XPO4: variants seen among roughly 807,000 people sequenced by gnomAD.
The protein encoded by XPO4 is exportin-4.
XPO4 carries 39 observed loss-of-function variants against 143.0 expected under a neutral mutation model. The ratio of observed to expected loss-of-function variants is 0.27; its 90% CI spans 0.21 to 0.36. The LOEUF is 0.36. Ranked by LOEUF, XPO4 falls within the 10% of genes least tolerant of loss-of-function variation. XPO4 has a pLI of 1.00. For missense variants in XPO4, 907 were observed against 1,348.0 expected (o/e 0.67, Z 5.12); for synonymous variants, 439 against 474.0 (o/e 0.93, Z 0.96).
intron 1 of XPO4, chr13:20,869,412 G>T: frequency 5.3e-6 from 3 of 564,186 alleles, no homozygotes; most frequent in Non-Finnish European, 6.7e-6. Flanking sequence ...CCTGTTACAT[G>T]GTTTAGTTAA....
At chr13:20,795,890 T>A (rs1282292711) in intron 18 of XPO4, among the ~76,000 whole-genome samples, 186 bp downstream of exon 18, 1 of 152,192 alleles carries the variant, frequency 6.6e-6, no homozygotes, top group Non-Finnish European at 1.5e-5. Context: ...TTTCTATTAT[T>A]CTTACAAGAG....
chr13:20,837,585 G>A (rs2059930858), intron 6 of XPO4, among the ~76,000 whole-genome samples: 1 of 151,900 alleles, frequency 6.6e-6, no homozygotes, highest in Non-Finnish European at 1.5e-5. Context: ...TTTTGTAAGA[G>A]ATGGGGTGTA....
At chr13:20,869,604 T>A in intron 1 of XPO4, 1 of 768,760 alleles carries the variant, frequency 1.3e-6, no homozygotes, top group Non-Finnish European at 1.6e-6. Flanking sequence ...TCAACACTCA[T>A]TATAAATTAT....
At chr13:20,794,774 G>C (rs959952238) in intron 18 of XPO4, among the ~76,000 whole-genome samples, 1 of 152,108 alleles carries the variant, frequency 6.6e-6, no homozygotes, top group Non-Finnish European at 1.5e-5. Flanking sequence ...AGAACTCCTG[G>C]ATTAAGCAGA....
At chr13:20,840,344 A>G (rs972567350) in intron 6 of XPO4, among the ~76,000 whole-genome samples, 2 of 151,996 alleles carry the variant, frequency 1.3e-5, no homozygotes, top group Non-Finnish European at 2.9e-5. Context: ...AACAGCTGGG[A>G]CTACAGGCAC....
intron 4 of XPO4, chr13:20,853,002 T>C (rs1174902637): frequency 1.0e-6 from 1 of 985,292 alleles, no homozygotes; most frequent in African/African-American, 1.7e-5. Flanking sequence ...ATGGAGACTA[T>C]ATCTACTACC....
Position 20,780,830 on chromosome 13 carries a change from T to C in XPO4, c.*2892A>G, listed in dbSNP as rs1321258890. 2 of 152,220 alleles carry C rather than the reference T, an allele frequency of 1.3e-5. No homozygotes were observed. Among genetic ancestry groups the C allele is most frequent in the African/African-American group, 2.4e-5 (1 of 41,452 alleles). The allele number at this position is 152,220 out of a possible 1,614,324, so 9.4% of individuals were successfully genotyped here. A position where few individuals can be genotyped will look rare whatever the true frequency, so the allele number is the denominator to read the frequency against. On this transcript the variant is annotated 3_prime_UTR_variant, in exon 23 of 23. Transcript: ENST00000255305. Reference sequence around the variant, plus strand: ...AAATACTGTCAGGTAGTTTTGCTACTGAGGCAGCCACTCATCCAGCACAAG... The same window carrying C: ...AAATACTGTCAGGTAGTTTTGCTACCGAGGCAGCCACTCATCCAGCACAAG...
At chr13:20,881,655 ATGTT>A (rs1451667328) in intron 1 of XPO4, among the ~76,000 whole-genome samples, 1 of 152,196 alleles carries the variant, frequency 6.6e-6, no homozygotes, top group Non-Finnish European at 1.5e-5. Context: ...TAGACTTACT[ATGTT>A]TGGTTTGGAT....
chr13:20,835,839 C>T (rs1352061238), intron 6 of XPO4, among the ~76,000 whole-genome samples: 1 of 152,018 alleles, frequency 6.6e-6, no homozygotes, highest in Non-Finnish European at 1.5e-5. Context: ...GCAAGACCAA[C>T]CCCTCCTCTT....
At chr13:20,890,403 T>C (rs1456545118) in intron 1 of XPO4, among the ~76,000 whole-genome samples, 1 of 151,906 alleles carries the variant, frequency 6.6e-6, no homozygotes. Flanking sequence ...TGAGCTGCTA[T>C]TGTGCTGCTG....
intron 12 of XPO4, 148 bp downstream of exon 12, chr13:20,808,288 T>C (rs2059533462): frequency 2.6e-6 from 2 of 773,408 alleles, no homozygotes; most frequent in African/African-American, 1.8e-5. Context: ...TTTTTAAAAA[T>C]GCATCCATAG....
intron 22 of XPO4, among the ~76,000 whole-genome samples, chr13:20,785,924 AG>A (rs1376898482): frequency 2.0e-5 from 3 of 150,878 alleles, no homozygotes; most frequent in East Asian, 1.9e-4. Context: ...GAAGGAAGAA[AG>A]GAAAGAAAAG....
intron 9 of XPO4, among the ~76,000 whole-genome samples, chr13:20,815,156 G>C (rs2059633186): frequency 6.6e-6 from 1 of 152,180 alleles, no homozygotes; most frequent in Admixed American, 6.5e-5. Context: ...GTTGCCAGAG[G>C]TTGTGAGGGG....
At position 20,782,428 on chromosome 13, in the gene XPO4, T is replaced by C. The variant is rs979234383; in HGVS notation, c.*1294A>G. ...CTGAATTAGGGGAGCCTGGCAGCTG[T>C]ATAAAAATCCTGATTAAGAGATCAA... On this transcript the variant is annotated 3_prime_UTR_variant, in exon 23 of 23. Transcript: ENST00000255305. 1 of 152,556 alleles carries C rather than the reference T, an allele frequency of 6.6e-6. No homozygotes were observed. Among genetic ancestry groups the C allele is most frequent in the Non-Finnish European group, 1.5e-5 (1 of 68,032 alleles). The allele number at this position is 152,556 out of a possible 1,614,324, so 9.5% of individuals were successfully genotyped here.
At chr13:20,885,001 T>A (rs2060448210) in intron 1 of XPO4, among the ~76,000 whole-genome samples, 1 of 152,194 alleles carries the variant, frequency 6.6e-6, no homozygotes, top group African/African-American at 2.4e-5. Context: ...TTCCCTCTTG[T>A]TGCCCAGGCT....
Position 20,831,851 on chromosome 13 carries a change from C to T in XPO4, c.728-4672G>A, listed in dbSNP as rs2059856962. Among the ~76,000 whole-genome samples the T allele has an allele frequency of 2.3e-5, 3 of 130,328 alleles. No homozygotes were observed. The South Asian group carries it at 7.4e-4, about 32-fold the overall frequency. 85.5% of individuals were successfully genotyped at this position (130,328 alleles called of 152,430 possible). On this transcript the variant is annotated intron_variant, in intron 6 of 22. Transcript: ENST00000255305. ...TTTGGTCTCTGTACCAAATACAAGT[C>T]CACTCCCTCTTAGCAAGGGTTCCGG...
intron 1 of XPO4, among the ~76,000 whole-genome samples, chr13:20,898,781 C>T (rs975580553): frequency 1.3e-5 from 2 of 151,978 alleles, no homozygotes; most frequent in African/African-American, 4.8e-5. Context: ...TATAAGAACA[C>T]TAAACTTTTC....
chr13:20,897,268 T>C lies in XPO4; in HGVS notation c.69+5402A>G, dbSNP rs1001681714. Among the ~76,000 whole-genome samples, 4 of 152,212 alleles carry C rather than the reference T, an allele frequency of 2.6e-5. No homozygotes were observed. The South Asian group carries it at 8.3e-4, about 31-fold the overall frequency. ...AAATAAAGGCAGTGTACCTTACACA[T>C]TGAAGGTCTCAGGAAATATCTACTA... is the stretch of plus-strand genomic sequence containing the variant. On this transcript the variant is annotated intron_variant, in intron 1 of 22. Coordinates refer to ENST00000255305, the MANE Select transcript of XPO4 (RefSeq NM_022459.5).
intron 3 of XPO4, chr13:20,857,950 T>C (rs2060160696): frequency 2.0e-6 from 2 of 985,150 alleles, no homozygotes; most frequent in Admixed American, 6.2e-5. Context: ...TAATGGGAAG[T>C]ACACATTATT....
Sources: gnomAD v4.1 joint callset for allele counts (sites outside exome capture counted in the v4.1 genomes callset) on GRCh38, gnomAD v4.1.1 for gene constraint, MANE v1.5 for transcripts, NCBI Gene and HGNC (gene_info 2026-07-23, HGNC 2026-07-21) for gene names.